Variants in MAPRE3 observed in about 807,000 individuals in gnomAD.
The protein encoded by MAPRE3 is microtubule-associated protein RP/EB family member 3.
MAPRE3 carries 2 observed loss-of-function variants against 30.5 expected under a neutral mutation model. The observed-to-expected ratio is 0.07, with a 90% confidence interval of 0.03 to 0.21. The LOEUF (loss-of-function observed/expected upper bound fraction) is 0.21. Among genes scored for constraint, MAPRE3 ranks in the 10% least tolerant of loss-of-function variants. The pLI is 1.00. For missense variants in MAPRE3, 204 were observed against 351.8 expected, an observed-to-expected ratio of 0.58 and a Z score of 3.36; for synonymous variants, 110 against 127.7, an observed-to-expected ratio of 0.86 and a Z score of 0.93.
At chr2:27,011,029 T>C (rs1455801324) in intron 1 of MAPRE3, among the ~76,000 whole-genome samples, 1 of 152,194 alleles carries the variant, frequency 6.6e-6, no homozygotes, top group Non-Finnish European at 1.5e-5. Context: ...GGTAGCTTCA[T>C]TAAACAGGGC....
intron 1 of MAPRE3, among the ~76,000 whole-genome samples, chr2:27,002,651 C>T (rs1666624911): frequency 6.6e-6 from 1 of 152,198 alleles, no homozygotes; most frequent in Non-Finnish European, 1.5e-5. Flanking sequence ...TGTGTTGCAC[C>T]TGGGGGTGTG....
rs1408942151 is a variant in MAPRE3, at chr2:27,024,148, T to G, written c.320T>G (p.Phe107Cys). 6.2e-7 allele frequency: 1 copy of G among 1,614,088 alleles called. No homozygotes were observed. The highest frequency in any genetic ancestry group is 8.5e-7 in the Non-Finnish European group (1 of 1,180,008). The part of the protein sequence containing the change: ...VKGKFQDNFE[F>C]IQWFKKFFDA... ...GGAAAATTCCAAGATAATTTTGAGT[T>G]TATTCAGTGGTTTAAGAAATTCTTT... The change falls in exon 4 of 7, where the codon TTT becomes TGT. Residue 107 changes from phenylalanine (F) to cysteine (C), a missense_variant. Around this residue, in one of 5 missense-constraint regions of MAPRE3, gnomAD observed 101 missense variants for 205.4 expected, o/e 0.49. Coordinates refer to ENST00000233121, the MANE Select transcript of MAPRE3 (RefSeq NM_012326.4).
At chr2:27,003,333 A>C (rs1347685313) in intron 1 of MAPRE3, among the ~76,000 whole-genome samples, 1 of 152,214 alleles carries the variant, frequency 6.6e-6, no homozygotes, top group African/African-American at 2.4e-5. Flanking sequence ...TGAATGCAGA[A>C]CACAGGCCAA....
chr2:26,973,057 C>T (rs1185914121), intron 1 of MAPRE3, among the ~76,000 whole-genome samples: 1 of 152,144 alleles, frequency 6.6e-6, no homozygotes, highest in African/African-American at 2.4e-5. Context: ...ATTCTTGATT[C>T]TAAGACACAC....
chr2:27,013,809 A>G (rs1170600949), intron 1 of MAPRE3: 1 of 152,250 alleles, frequency 6.6e-6, no homozygotes, highest in African/African-American at 2.4e-5. Flanking sequence ...TGAGTCAGAT[A>G]TGTCTATGTC....
At chr2:26,998,392 C>T in intron 1 of MAPRE3, among the ~76,000 whole-genome samples, 1 of 152,182 alleles carries the variant, frequency 6.6e-6, no homozygotes. Flanking sequence ...GAACTGAAGT[C>T]AGTATTACAG....
Position 26,985,180 on chromosome 2 carries a change from T to G in MAPRE3, c.-8+14378T>G, listed in dbSNP as rs1187517998. 1.3e-5 allele frequency among the ~76,000 whole-genome samples: 2 copies of G among 152,226 alleles called. No homozygotes were observed. The highest frequency in any genetic ancestry group is 4.8e-5 in the African/African-American group (2 of 41,450). On this transcript the variant is annotated intron_variant, in intron 1 of 6. Coordinates refer to ENST00000233121, the MANE Select transcript of MAPRE3 (RefSeq NM_012326.4). This position sits in a 1 kb window ranked among gnomAD's most constrained non-coding sequence, Gnocchi z 4.2. Reference sequence around the variant, plus strand: ...TGCTTAGTACCGTTTAGGTAGATGGTGCTTCGGCCCTGAGAGAGATTGTTA... The same window carrying G: ...TGCTTAGTACCGTTTAGGTAGATGGGGCTTCGGCCCTGAGAGAGATTGTTA...
Position 27,015,926 on chromosome 2 carries a change from C to T in MAPRE3, c.-7-6286C>T, listed in dbSNP as rs1179132493. Among the ~76,000 whole-genome samples, 1 of 152,154 alleles carries T rather than the reference C, an allele frequency of 6.6e-6. No homozygotes were observed. Among genetic ancestry groups the T allele is most frequent in the African/African-American group, 2.4e-5 (1 of 41,440 alleles). ...TTAAGGCCTCAGTCTGCAGAATGAC[C>T]AGCAGCTTCCCCTCCCGCAATGAGA... On this transcript the variant is annotated intron_variant, in intron 1 of 6. Transcript: ENST00000233121. The surrounding 1 kb of genome is among the most constrained non-coding windows in gnomAD (Gnocchi z 4.0).
rs531651199 is a variant in MAPRE3 at position 26,999,488 on chromosome 2, C to CTTTTTTTT, written c.-7-22704_-7-22697dup. ...TTTTTTCTTCTTTCTTTCCTTCTTT[C>CTTTTTTTT]TTTTTTTTTTTTTTTTTTTTTTTTT... On this transcript the variant is annotated intron_variant, in intron 1 of 6. Transcript: ENST00000233121. Among the ~76,000 whole-genome samples the CTTTTTTTT allele has an allele frequency of 1.8e-3, 139 of 78,992 alleles. 12 individuals are homozygous for CTTTTTTTT. Among genetic ancestry groups the CTTTTTTTT allele is most frequent in the Non-Finnish European group, 2.0e-3 (90 of 44,036 alleles). 51.8% of individuals were successfully genotyped at this position (78,992 alleles called of 152,430 possible).
intron 1 of MAPRE3, among the ~76,000 whole-genome samples, chr2:26,981,399 T>C (rs1267993322): frequency 6.6e-6 from 1 of 151,850 alleles, no homozygotes; most frequent in East Asian, 1.9e-4. Context: ...TCAGCCAGAA[T>C]GAGGAGGCAG....
At chr2:27,013,754 C>CAGAG (rs1437443204) in intron 1 of MAPRE3, 1 of 152,238 alleles carries the variant, frequency 6.6e-6, no homozygotes, top group African/African-American at 2.4e-5. Flanking sequence ...GGACCCTGAT[C>CAGAG]AGAGGGTCTG....
intron 1 of MAPRE3, among the ~76,000 whole-genome samples, chr2:26,993,348 C>T (rs1288514368): frequency 6.6e-6 from 1 of 152,058 alleles, no homozygotes; most frequent in Non-Finnish European, 1.5e-5. Context: ...CCAGCCTGGG[C>T]AACAAGAGTG....
At chr2:27,023,184 G>C in intron 2 of MAPRE3, 148 bp from the exon 3 acceptor site, 1 of 737,732 alleles carries the variant, frequency 1.4e-6, no homozygotes, top group East Asian at 2.7e-5. Context: ...AAGCTGGGGG[G>C]ATTCTGGCCA....
chr2:27,018,156 C>T (rs1009255765), intron 1 of MAPRE3, among the ~76,000 whole-genome samples: 8 of 152,318 alleles, frequency 5.3e-5, no homozygotes, highest in East Asian at 1.9e-4. Flanking sequence ...TAAAGTGGCT[C>T]GGAAACTCCC....
intron 1 of MAPRE3, among the ~76,000 whole-genome samples, chr2:27,018,830 G>A (rs1171079548): frequency 6.6e-6 from 1 of 152,290 alleles, no homozygotes; most frequent in African/African-American, 2.4e-5. Flanking sequence ...GAACCCGAAA[G>A]TGAATGGAAC....
At chr2:27,004,839 A>G (rs6716275) in intron 1 of MAPRE3, among the ~76,000 whole-genome samples, 87,396 of 151,192 alleles carry the variant, frequency 0.58, 25,713 homozygotes, top group East Asian at 0.76. Context: ...ATTCCTCAGC[A>G]GGATTTCCGG....
At chr2:27,017,335 TC>T (rs1399838508) in intron 1 of MAPRE3, among the ~76,000 whole-genome samples, 2 of 152,168 alleles carry the variant, frequency 1.3e-5, no homozygotes, top group Non-Finnish European at 2.9e-5. Context: ...GCTACCTGCT[TC>T]CCCAGAAGCC....
intron 1 of MAPRE3, among the ~76,000 whole-genome samples, chr2:27,008,329 C>A (rs969442884): frequency 1.3e-5 from 2 of 152,164 alleles, no homozygotes; most frequent in African/African-American, 2.4e-5. Flanking sequence ...GTGGCGCATG[C>A]CTGTAATCCC....
chr2:26,981,709 G>T (rs1460445805), intron 1 of MAPRE3, among the ~76,000 whole-genome samples: 2 of 152,178 alleles, frequency 1.3e-5, no homozygotes, highest in East Asian at 3.9e-4. Flanking sequence ...TTGAAAAGGT[G>T]CTGGGCCTCT....
Sources: allele counts gnomAD v4.1 joint callset (sites outside exome capture counted in the v4.1 genomes callset), GRCh38; gene constraint gnomAD v4.1.1; regional missense constraint gnomAD v4.1.1; non-coding constraint Gnocchi (gnomAD v3.1); transcripts MANE v1.5; gene names NCBI Gene and HGNC (gene_info 2026-07-23, HGNC 2026-07-21).